Variants in FOXN3 observed in about 807,000 individuals in gnomAD.
FOXN3 encodes the protein forkhead box protein N3.
Under a neutral mutation model 38.4 loss-of-function variants are expected in FOXN3, and 7 were observed. That is an observed-to-expected ratio of 0.18 (90% CI 0.10 to 0.34). The LOEUF (loss-of-function observed/expected upper bound fraction) is 0.34, where lower values mean the gene tolerates loss of function less well. FOXN3 is among the 10% of genes least tolerant of loss of function. The pLI is 1.00. For synonymous variants in FOXN3, 230 were observed against 242.2 expected, an observed-to-expected ratio of 0.95 and a Z score of 0.47; for missense variants, 456 against 613.4, an observed-to-expected ratio of 0.74 and a Z score of 2.71.
At chr14:89,170,660 T>C (rs1887366179) in intron 5 of FOXN3, among the ~76,000 whole-genome samples, 1 of 152,214 alleles carries the variant, frequency 6.6e-6, no homozygotes, top group Non-Finnish European at 1.5e-5. Context: ...ACAGATAAAT[T>C]CTCTGACCAC....
At position 89,263,033 on chromosome 14, in the gene FOXN3, G is replaced by C. The variant is rs144755263; in HGVS notation, c.745+17917C>G. On this transcript the variant is annotated intron_variant, in intron 4 of 5. Coordinates refer to ENST00000557258, the MANE Select transcript of FOXN3 (RefSeq NM_005197.4). ...TTATAGATCGCAGTGAAATTGGCCT[G>C]CTTGTTTTTAAATCTCCAAAGTTTT... is the stretch of plus-strand genomic sequence containing the variant. Among the ~76,000 whole-genome samples, 34 of 152,258 alleles carry C rather than the reference G, an allele frequency of 2.2e-4. 1 individual carries two copies. The highest frequency in any genetic ancestry group is 6.7e-4 in the African/African-American group (28 of 41,564).
At chr14:89,181,154 G>C (rs977635088) in intron 4 of FOXN3, among the ~76,000 whole-genome samples, 21 of 151,844 alleles carry the variant, frequency 1.4e-4, no homozygotes, top group African/African-American at 4.8e-4. Context: ...AATCTGGTAA[G>C]TAAAAATCAG....
At chr14:89,575,285 A>G (rs1407279473) in intron 1 of FOXN3, among the ~76,000 whole-genome samples, 1 of 152,228 alleles carries the variant, frequency 6.6e-6, no homozygotes, top group Non-Finnish European at 1.5e-5. Flanking sequence ...CTATCTGGGT[A>G]GGCTCACAGG....
chr14:89,288,714 CTCTCTCTCTCTATATATATATATATATA>C lies in FOXN3; in HGVS notation c.681-7728_681-7701del, dbSNP rs1566947649. Among the ~76,000 whole-genome samples the C allele has an allele frequency of 2.4e-3, 143 of 60,712 alleles. 1 individual carries two copies. Among genetic ancestry groups the C allele is most frequent in the African/African-American group, 3.2e-3 (35 of 10,994 alleles). 39.8% of individuals were successfully genotyped at this position (60,712 alleles called of 152,430 possible). A position where few individuals can be genotyped will look rare whatever the true frequency, so the allele number is the denominator to read the frequency against. On this transcript the variant is annotated intron_variant, in intron 3 of 5. Coordinates refer to ENST00000557258, the MANE Select transcript of FOXN3 (RefSeq NM_005197.4). ...TCTCTCTCTCTCTCTCTCTCTCTCT[CTCTCTCTCTCTATATATATATATATATA>C]TATATATATATATATATATATATAT...
At chr14:89,448,441 AC>A in intron 1 of FOXN3, among the ~76,000 whole-genome samples, 1 of 151,822 alleles carries the variant, frequency 6.6e-6, no homozygotes, top group East Asian at 1.9e-4. Flanking sequence ...ACCCACATGC[AC>A]CCTCCCTGCA....
At chr14:89,558,943 C>A (rs566714111) in intron 1 of FOXN3, among the ~76,000 whole-genome samples, 2 of 152,350 alleles carry the variant, frequency 1.3e-5, no homozygotes, top group South Asian at 4.1e-4. Context: ...TATGAAACTT[C>A]TTCTGATTTA....
At chr14:89,205,867 T>C (rs1888370263) in intron 4 of FOXN3, among the ~76,000 whole-genome samples, 1 of 152,184 alleles carries the variant, frequency 6.6e-6, no homozygotes, top group Non-Finnish European at 1.5e-5. Flanking sequence ...CCTTAGGGGT[T>C]TGAGCAATGG....
chr14:89,289,550 A>G (rs1370336313), intron 3 of FOXN3, among the ~76,000 whole-genome samples: 1 of 152,232 alleles, frequency 6.6e-6, no homozygotes, highest in African/African-American at 2.4e-5. Flanking sequence ...GCAGAAAAGT[A>G]AGTTTTCAAA....
At chr14:89,506,070 T>G (rs1893921599) in intron 1 of FOXN3, among the ~76,000 whole-genome samples, 1 of 112,896 alleles carries the variant, frequency 8.9e-6, no homozygotes, top group Non-Finnish European at 1.9e-5. Context: ...AGAAGGGAGG[T>G]GGGGGGGTCA....
intron 4 of FOXN3, among the ~76,000 whole-genome samples, chr14:89,254,759 C>T (rs1397056247): frequency 6.6e-6 from 1 of 152,108 alleles, no homozygotes; most frequent in East Asian, 1.9e-4. Flanking sequence ...CACTCGTCTC[C>T]TCCATGAGGC....
chr14:89,225,809 T>C (rs1411602120), intron 4 of FOXN3, among the ~76,000 whole-genome samples: 1 of 152,080 alleles, frequency 6.6e-6, no homozygotes, highest in Non-Finnish European at 1.5e-5. Flanking sequence ...GTGTGTAACA[T>C]AAAGGTTAAC....
intron 3 of FOXN3, among the ~76,000 whole-genome samples, chr14:89,342,163 G>C (rs528794561): frequency 6.5e-4 from 99 of 152,278 alleles, no homozygotes; most frequent in South Asian, 3.7e-3. Flanking sequence ...AGATAAAAAG[G>C]TAACTCGGAG....
At chr14:89,420,474 A>G (rs1891874463), upstream of FOXN3, among the ~76,000 whole-genome samples, 3 of 152,212 alleles carry the variant, frequency 2.0e-5, no homozygotes, top group South Asian at 6.2e-4. Flanking sequence ...GGGGATGCCC[A>G]TCAGAACCAT....
Position 89,461,214 on chromosome 14 carries a change from G to A in FOXN3, c.-14-48724C>T, listed in dbSNP as rs148336342. On this transcript the variant is annotated intron_variant, in intron 1 of 6. Coordinates refer to the FOXN3 transcript ENST00000345097. ...TAGCTAGGCATAGTGGTGCATGCCTGTAGTCCTAGCTACTCGGGAGGCTGA... is the reference window on the plus strand; with the variant it reads ...TAGCTAGGCATAGTGGTGCATGCCTATAGTCCTAGCTACTCGGGAGGCTGA... Among the ~76,000 whole-genome samples the A allele has an allele frequency of 7.0e-3, 1,065 of 151,836 alleles. 8 individuals carry two copies. Among genetic ancestry groups the A allele is most frequent in the African/African-American group, 0.025 (1,016 of 41,406 alleles).
intron 1 of FOXN3, among the ~76,000 whole-genome samples, chr14:89,473,242 G>T (rs1191123859): frequency 4.0e-5 from 6 of 151,744 alleles, no homozygotes; most frequent in Non-Finnish European, 7.4e-5. Context: ...GCCAGGATGG[G>T]CTTGATCTCC....
chr14:89,589,326 C>T (rs1895906724), intron 1 of FOXN3, among the ~76,000 whole-genome samples: 1 of 152,162 alleles, frequency 6.6e-6, no homozygotes, highest in Non-Finnish European at 1.5e-5. Context: ...GTGTGAGTCA[C>T]TTAAAAACAC....
At chr14:89,369,569 G>C (rs530574730) in intron 2 of FOXN3, among the ~76,000 whole-genome samples, 34 of 151,808 alleles carry the variant, frequency 2.2e-4, no homozygotes, top group African/African-American at 8.0e-4. Context: ...TTAAAAAAGA[G>C]GTTTAATGGA....
At chr14:89,534,944 T>G (rs146441517) in intron 1 of FOXN3, among the ~76,000 whole-genome samples, 3 of 152,250 alleles carry the variant, frequency 2.0e-5, no homozygotes, top group Non-Finnish European at 4.4e-5. Flanking sequence ...GAATCTGCTC[T>G]TCTAAAACAG....
intron 1 of FOXN3, among the ~76,000 whole-genome samples, chr14:89,413,490 C>T (rs1031505004): frequency 9.2e-5 from 14 of 151,672 alleles, no homozygotes; most frequent in East Asian, 5.8e-4. Context: ...AAAAATTAGC[C>T]GGGCATGGTG....
Sources: gnomAD v4.1 joint callset for allele counts (sites outside exome capture counted in the v4.1 genomes callset) on GRCh38, gnomAD v4.1.1 for gene constraint, MANE v1.5 for transcripts, NCBI Gene and HGNC (gene_info 2026-07-23, HGNC 2026-07-21) for gene names.